The following EIF2S1 variants were observed in gnomAD, a reference collection of about 807,000 sequenced individuals.
EIF2S1 encodes eukaryotic translation initiation factor 2 subunit 1.
EIF2S1 carries 5 observed loss-of-function variants against 33.5 expected under a neutral mutation model. The ratio of observed to expected loss-of-function variants is 0.15; its 90% CI spans 0.08 to 0.31. The LOEUF (loss-of-function observed/expected upper bound fraction) is 0.31. Ranked by LOEUF, EIF2S1 falls within the 10% of genes least tolerant of loss-of-function variation. The probability of loss-of-function intolerance (pLI) is 1.00; values close to 1 mark genes in which losing one functional copy is unlikely to be tolerated. For synonymous variants in EIF2S1, 99 were observed against 127.5 expected (o/e 0.78, Z 1.51); for missense variants, 191 against 384.6 (o/e 0.50, Z 4.21).
intron 4 of EIF2S1, among the ~76,000 whole-genome samples, chr14:67,378,314 CTTTTTTTTTTTTT>C (rs34487632): frequency 9.3e-6 from 1 of 107,630 alleles, no homozygotes; most frequent in East Asian, 2.7e-4. Flanking sequence ...TCTCATGTGA[CTTTTTTTTTTTTT>C]TTTTTTTTTT....
intron 2 of EIF2S1, among the ~76,000 whole-genome samples, chr14:67,372,841 A>C (rs2141138499): frequency 6.6e-6 from 1 of 152,182 alleles, no homozygotes; most frequent in South Asian, 2.1e-4. Flanking sequence ...AAAAAAACAA[A>C]AAACAAACAA....
chr14:67,381,614 G>C lies in EIF2S1; in HGVS notation c.602G>C (p.Gly201Ala), dbSNP rs1289284242. 6.2e-7 allele frequency: 1 copy of C among 1,613,346 alleles called. No individual in the cohort carries two copies. The highest frequency in any genetic ancestry group is 1.7e-5 in the Admixed American group (1 of 59,988). Residue 201 changes from glycine (G) to alanine (A), a missense_variant, in exon 6 of 8, where the codon GGT (glycine) becomes GCT (alanine). Transcript: ENST00000256383. ...IRADIEVACY[G>A]YEGIDAVKEA... is the part of the protein sequence containing the mutation. ...GTAGATATTGAAGTGGCTTGTTATGGTTATGAAGGCATTGATGCTGTAAAA... is the reference window on the plus strand; with the variant it reads ...GTAGATATTGAAGTGGCTTGTTATGCTTATGAAGGCATTGATGCTGTAAAA...
chr14:67,364,660 C>T, intron 1 of EIF2S1, 107 bp from the exon 2 acceptor site: 1 of 1,149,504 alleles, frequency 8.7e-7, no homozygotes, highest in Non-Finnish European at 1.2e-6. Context: ...AGACTAATAA[C>T]TATTTTTTTC....
At chr14:67,366,836 GA>G (rs1177943179) in intron 2 of EIF2S1, among the ~76,000 whole-genome samples, 1 of 152,186 alleles carries the variant, frequency 6.6e-6, no homozygotes, top group African/African-American at 2.4e-5. Flanking sequence ...ACACTTATAA[GA>G]AAGGGTATGT....
At chr14:67,369,922 G>C (rs1277266796) in intron 2 of EIF2S1, among the ~76,000 whole-genome samples, 4 of 152,206 alleles carry the variant, frequency 2.6e-5, no homozygotes, top group African/African-American at 9.7e-5. Flanking sequence ...ATATAGGGGT[G>C]TGAAGTGGGA....
In EIF2S1 at chr14:67,381,682, C is replaced by G. The variant is rs755183847; in HGVS notation, c.670C>G (p.Pro224Ala). The change falls in exon 6 of 8, where the codon CCC (proline) becomes GCC (alanine). Residue 224 changes from proline to alanine, a missense_variant. Physicochemically the swap from Pro to Ala is conservative, Grantham distance 27. Transcript: ENST00000256383. ...TTTGAATTGTTCTACAGAAAACATG[C>G]CCATTAAGGTGAGTCATGAGTTGTC... is the stretch of plus-strand genomic sequence containing the variant. ...AGLNCSTENM[P>A]IKINLIAPPR... 8 of 1,610,688 alleles carry G rather than the reference C, an allele frequency of 5.0e-6. No individual in the cohort carries two copies. The highest frequency in any genetic ancestry group is 6.8e-6 in the Non-Finnish European group (8 of 1,177,758).
Position 67,386,439 on chromosome 14 carries a change from C to T in EIF2S1, c.*2999C>T, listed in dbSNP as rs1209515995. ...TTAAGGGGAGGTCCAAGCATTTGTA[C>T]TTGGCAGGAATGCTGGCAATAGCTT... On this transcript the variant is annotated 3_prime_UTR_variant, in exon 8 of 8. Coordinates refer to ENST00000256383, the MANE Select transcript of EIF2S1 (RefSeq NM_004094.5). 6.6e-6 allele frequency: 1 copy of T among 152,154 alleles called. No individual in the cohort carries two copies. Among genetic ancestry groups the T allele is most frequent in the African/African-American group, 2.4e-5 (1 of 41,438 alleles). 9.4% of individuals were successfully genotyped at this position (152,154 alleles called of 1,614,324 possible).
intron 1 of EIF2S1, among the ~76,000 whole-genome samples, chr14:67,361,691 C>G (rs1055255192): frequency 6.6e-6 from 1 of 152,114 alleles, no homozygotes; most frequent in Non-Finnish European, 1.5e-5. Context: ...TTGAAATTAG[C>G]CTGGAGTTTG....
rs572258832 is a variant in EIF2S1, at chr14:67,383,620, A to G, written c.*180A>G. On this transcript the variant is annotated 3_prime_UTR_variant, in exon 8 of 8. Transcript: ENST00000256383. ...GCCCTCCTAAATGTCAGCTGTTGTC[A>G]CACAGTAGCTCCAACACTTTGAGCA... 35 of 792,632 alleles carry G rather than the reference A, an allele frequency of 4.4e-5. No homozygotes were observed. Among genetic ancestry groups the G allele is most frequent in the Non-Finnish European group, 5.3e-5 (27 of 506,704 alleles). 49.1% of individuals were successfully genotyped at this position (792,632 alleles called of 1,614,324 possible).
rs564475531 is a variant in EIF2S1, at chr14:67,361,643, A to G, written c.-2+1187A>G. Among the ~76,000 whole-genome samples, 9 of 152,334 alleles carry G rather than the reference A, an allele frequency of 5.9e-5. No individual in the cohort carries two copies. In the East Asian group the frequency reaches 1.3e-3, roughly 23 times the overall value. On this transcript the variant is annotated intron_variant, in intron 1 of 7. Transcript: ENST00000256383. The stretch of plus-strand genomic sequence containing the variant: ...CTGTTTTGAGAAAGAAGTCCTACCT[A>G]CCATTTGTCATGCAAAATAACTGAC...
At chr14:67,379,657 T>C (rs1271995463) in intron 4 of EIF2S1, among the ~76,000 whole-genome samples, 2 of 133,806 alleles carry the variant, frequency 1.5e-5, no homozygotes, top group Non-Finnish European at 3.1e-5. Flanking sequence ...TCTTTTTCTT[T>C]TTTTTTTTTT....
In EIF2S1 at chr14:67,386,053, C is replaced by T. The variant is rs982354777; in HGVS notation, c.*2613C>T. Reference sequence around the variant, plus strand: ...ATCTACTTTGCAACCTATGGAGATCCTGATAGCTCCCATACAAAGTGAGGT... The same window carrying T: ...ATCTACTTTGCAACCTATGGAGATCTTGATAGCTCCCATACAAAGTGAGGT... On this transcript the variant is annotated 3_prime_UTR_variant, in exon 8 of 8. Transcript: ENST00000256383. 2.0e-5 allele frequency: 3 copies of T among 152,268 alleles called. No homozygotes were observed. Among genetic ancestry groups the T allele is most frequent in the African/African-American group, 7.2e-5 (3 of 41,418 alleles). The allele number at this position is 152,268 out of a possible 1,614,324, so 9.4% of individuals were successfully genotyped here.
chr14:67,378,758 C>G (rs1284695670), intron 4 of EIF2S1, among the ~76,000 whole-genome samples: 3 of 152,188 alleles, frequency 2.0e-5, no homozygotes, highest in Non-Finnish European at 4.4e-5. Flanking sequence ...CATGTAGGGA[C>G]TGTCCAGATT....
In EIF2S1 at chr14:67,383,660, G is replaced by A. The variant is rs116606923; in HGVS notation, c.*220G>A. 0.012 allele frequency: 6,115 copies of A among 510,156 alleles called. 80 individuals are homozygous for A. Among genetic ancestry groups the A allele is most frequent in the Middle Eastern group, 0.04 (69 of 1,710 alleles). The allele number at this position is 510,156 out of a possible 1,614,324, so 31.6% of individuals were successfully genotyped here. ...CACTTTGAGCATTTTTAAGGGAGTG[G>A]CCTCATTTCACTAGAGACAAATCTT... On this transcript the variant is annotated 3_prime_UTR_variant, in exon 8 of 8. Coordinates refer to ENST00000256383, the MANE Select transcript of EIF2S1 (RefSeq NM_004094.5).
chr14:67,376,675 A>G, intron 4 of EIF2S1, 85 bp downstream of exon 4: 1 of 1,424,448 alleles, frequency 7.0e-7, no homozygotes, highest in Non-Finnish European at 9.5e-7. Context: ...CATGTATAAA[A>G]TACTTGCCAA....
chr14:67,374,164 A>G (rs1403182979), intron 2 of EIF2S1, among the ~76,000 whole-genome samples: 3 of 152,168 alleles, frequency 2.0e-5, no homozygotes, highest in Admixed American at 6.5e-5. Flanking sequence ...GAGCACCAAC[A>G]TGACACTCAA....
At chr14:67,364,051 A>G (rs1327730569) in intron 1 of EIF2S1, 1 of 152,200 alleles carries the variant, frequency 6.6e-6, no homozygotes, top group Non-Finnish European at 1.5e-5. Context: ...AGAAACTTGA[A>G]CTTTGTAGTA....
intron 3 of EIF2S1, among the ~76,000 whole-genome samples, chr14:67,375,690 CTG>C (rs1483188672): frequency 6.6e-6 from 1 of 152,158 alleles, no homozygotes; most frequent in African/African-American, 2.4e-5. Context: ...TTTGAAAACA[CTG>C]TCAGTAAAAT....
chr14:67,379,654 C>CTTTTTTTTT (rs541791101), intron 4 of EIF2S1, among the ~76,000 whole-genome samples: 3,958 of 119,620 alleles, frequency 0.033, 488 homozygotes, highest in African/African-American at 0.13. Flanking sequence ...TTTTCTTTTT[C>CTTTTTTTTT]TTTTTTTTTT....
Sources: gnomAD v4.1 joint callset for allele counts (sites outside exome capture counted in the v4.1 genomes callset) on GRCh38, gnomAD v4.1.1 for gene constraint, MANE v1.5 for transcripts, NCBI Gene and HGNC (gene_info 2026-07-23, HGNC 2026-07-21) for gene names.